The following OR2L13 variants were observed in gnomAD, a reference collection of about 807,000 sequenced individuals.
OR2L13 encodes olfactory receptor 2L13.
In OR2L13, 14 loss-of-function variants were observed where a neutral mutation model predicts 15.3. The observed-to-expected ratio is 0.91, with a 90% CI of 0.60 to 1.43. The LOEUF (loss-of-function observed/expected upper bound fraction) is 1.43. Among genes scored for constraint, OR2L13 ranks in the 40% most tolerant of loss-of-function variants. The pLI is 0.00. For synonymous variants in OR2L13, 152 were observed against 142.9 expected (o/e 1.06, Z -0.45); for missense variants, 367 against 387.9 (o/e 0.95, Z 0.45).
the OR2L13 span, chr1:248,022,247 T>C: frequency 6.2e-7 from 1 of 1,614,052 alleles, no homozygotes; most frequent in Non-Finnish European, 8.5e-7. Flanking sequence ...GGATTCAGAG[T>C]TTCTTCTTCA....
chr1:248,075,096 C>G, the OR2L13 span, among the ~76,000 whole-genome samples: 1 of 151,758 alleles, frequency 6.6e-6, no homozygotes, highest in African/African-American at 2.4e-5. Context: ...TCGTTCAATT[C>G]CCACCTATGA....
At chr1:247,945,797 G>A in the OR2L13 span, among the ~76,000 whole-genome samples, 16 of 151,928 alleles carry the variant, frequency 1.1e-4, no homozygotes, top group Admixed American at 3.3e-4. Flanking sequence ...AGTCTATTTC[G>A]TCAGAAACTA....
At chr1:247,983,442 A>G in the OR2L13 span, among the ~76,000 whole-genome samples, 1 of 152,184 alleles carries the variant, frequency 6.6e-6, no homozygotes, top group African/African-American at 2.4e-5. Context: ...CTAGATATAT[A>G]CATTTTATGA....
exon 3 of OR2L13, chr1:248,099,826 G>A (rs1186123026): frequency 6.2e-7 from 1 of 1,613,976 alleles, no homozygotes; most frequent in East Asian, 2.2e-5. Context: ...TTGGACACTG[G>A]GGTCCATCAA....
chr1:248,089,956 G>A, the OR2L13 span, among the ~76,000 whole-genome samples: 5 of 152,088 alleles, frequency 3.3e-5, no homozygotes, highest in African/African-American at 1.2e-4. Context: ...ACTTTGAGAT[G>A]TCCCATTTTT....
At chr1:247,975,626 G>C in the OR2L13 span, 24 of 1,244,460 alleles carry the variant, frequency 1.9e-5, no homozygotes, top group South Asian at 1.4e-4. Flanking sequence ...GCCCTGACAC[G>C]AGTGAGTCAG....
At chr1:248,067,276 T>G in the OR2L13 span, among the ~76,000 whole-genome samples, 1 of 152,164 alleles carries the variant, frequency 6.6e-6, no homozygotes, top group African/African-American at 2.4e-5. Context: ...CTGAAACACC[T>G]TTTCAGCCCC....
chr1:247,983,212 T>A, the OR2L13 span, among the ~76,000 whole-genome samples: 1 of 152,176 alleles, frequency 6.6e-6, no homozygotes, highest in African/African-American at 2.4e-5. Context: ...GTGAAGAGTT[T>A]GTTATTAGGA....
At chr1:248,020,100 G>C in the OR2L13 span, among the ~76,000 whole-genome samples, 2 of 152,030 alleles carry the variant, frequency 1.3e-5, no homozygotes, top group African/African-American at 4.8e-5. Context: ...TCTTCTATTG[G>C]TATACATGTC....
the OR2L13 span, chr1:248,061,729 G>A: frequency 1.9e-6 from 2 of 1,027,810 alleles, no homozygotes; most frequent in South Asian, 4.1e-5. Flanking sequence ...AAGTAATCAA[G>A]GTAAGAGAAA....
chr1:248,018,104 G>A, the OR2L13 span, among the ~76,000 whole-genome samples: 16 of 148,476 alleles, frequency 1.1e-4, no homozygotes, highest in South Asian at 8.4e-4. Flanking sequence ...GCAGTGAGCC[G>A]AGATCACACC....
the OR2L13 span, chr1:248,038,351 CCTCATTTTT>C: frequency 1.2e-6 from 2 of 1,613,164 alleles, no homozygotes; most frequent in African/African-American, 1.3e-5. Context: ...TCGTATTCAC[CCTCATTTTT>C]CTCATTTTCC....
At chr1:248,048,920 TC>T in the OR2L13 span, among the ~76,000 whole-genome samples, 4 of 133,144 alleles carry the variant, frequency 3.0e-5, no homozygotes, top group African/African-American at 1.1e-4. Flanking sequence ...CTTTTCTCTC[TC>T]TCTTTTTTTT....
chr1:247,943,233 A>G, the OR2L13 span, among the ~76,000 whole-genome samples: 3 of 152,266 alleles, frequency 2.0e-5, no homozygotes, highest in East Asian at 1.9e-4. Context: ...TTGGGTACAC[A>G]TGGACATAAA....
At chr1:247,988,990 A>G in the OR2L13 span, among the ~76,000 whole-genome samples, 10,976 of 152,208 alleles carry the variant, frequency 0.072, 462 homozygotes, top group East Asian at 0.16. Context: ...AGGGGAGCAA[A>G]GATACAGAAT....
the OR2L13 span, chr1:247,991,266 G>A: frequency 1.2e-5 from 13 of 1,105,764 alleles, 1 homozygote; most frequent in East Asian, 2.6e-5. Flanking sequence ...AGTGTACGGC[G>A]GTTAAGGAAA....
chr1:247,946,976 C>T, the OR2L13 span, among the ~76,000 whole-genome samples: 1 of 152,164 alleles, frequency 6.6e-6, no homozygotes, highest in East Asian at 1.9e-4. Flanking sequence ...TGTCCTTAAG[C>T]ACATATTGGT....
At chr1:247,940,264 A>G in the OR2L13 span, among the ~76,000 whole-genome samples, 1 of 152,314 alleles carries the variant, frequency 6.6e-6, no homozygotes, top group South Asian at 2.1e-4. Context: ...ATACAGGCTT[A>G]TATTTTACAA....
At chr1:248,095,144 G>C (rs749098118), upstream of OR2L13, 3 of 152,182 alleles carry the variant, frequency 2.0e-5, no homozygotes, top group Non-Finnish European at 4.4e-5. Context: ...CTAAGGGTTG[G>C]TGACTTAAGG....
Sources: gnomAD v4.1 joint callset for allele counts (sites outside exome capture counted in the v4.1 genomes callset) on GRCh38, gnomAD v4.1.1 for gene constraint, MANE v1.5 for transcripts, NCBI Gene and HGNC (gene_info 2026-07-23, HGNC 2026-07-21) for gene names.